CFDP1: variants seen among roughly 807,000 people sequenced by gnomAD.
CFDP1 encodes the protein heterochromatin-stabilizing protein CFDP1.
CFDP1 carries 31 observed loss-of-function variants against 40.1 expected under a neutral mutation model. That is an observed-to-expected ratio of 0.77 (90% CI 0.58 to 1.04). CFDP1 has a LOEUF of 1.04. CFDP1 is among the 50% of genes least tolerant of loss of function. The pLI, the probability that CFDP1 is intolerant of heterozygous loss-of-function variation, is 0.00. For missense variants in CFDP1, 423 were observed against 343.4 expected (o/e 1.23, Z -1.83); for synonymous variants, 167 against 120.0 (o/e 1.39, Z -2.56).
intron 5 of CFDP1, chr16:75,321,772 T>C (rs1385846353): frequency 1.3e-5 from 2 of 152,212 alleles, no homozygotes; most frequent in Admixed American, 1.3e-4. Flanking sequence ...CATCTCTCAG[T>C]TGGTATCTAT....
chr16:75,415,064 T>A (rs2079192462), intron 1 of CFDP1, among the ~76,000 whole-genome samples: 1 of 152,252 alleles, frequency 6.6e-6, no homozygotes, highest in Non-Finnish European at 1.5e-5. Context: ...TCAATTCTAC[T>A]AATGTGTTTC....
At chr16:75,408,639 G>A (rs986090729) in intron 4 of CFDP1, among the ~76,000 whole-genome samples, 6 of 151,704 alleles carry the variant, frequency 4.0e-5, no homozygotes, top group Non-Finnish European at 7.4e-5. Flanking sequence ...TAGCTGGCAC[G>A]CTGGCAGGCA....
intron 5 of CFDP1, among the ~76,000 whole-genome samples, chr16:75,389,835 A>G (rs1266466259): frequency 6.6e-6 from 1 of 152,214 alleles, no homozygotes; most frequent in East Asian, 1.9e-4. Context: ...CAGATACCCC[A>G]GATCAGCTGA....
At chr16:75,431,975 G>C (rs542064139) in intron 1 of CFDP1, among the ~76,000 whole-genome samples, 143 of 145,398 alleles carry the variant, frequency 9.8e-4, no homozygotes, top group Non-Finnish European at 1.7e-3. Context: ...GCAGTGGTGT[G>C]ATCTCGGCTC....
At chr16:75,338,389 C>T (rs1396003268) in intron 5 of CFDP1, among the ~76,000 whole-genome samples, 1 of 152,096 alleles carries the variant, frequency 6.6e-6, no homozygotes, top group Non-Finnish European at 1.5e-5. Flanking sequence ...AGTGTGTACA[C>T]AGAAGCAGAG....
At chr16:75,331,604 T>G (rs1459708827) in intron 5 of CFDP1, among the ~76,000 whole-genome samples, 1 of 152,246 alleles carries the variant, frequency 6.6e-6, no homozygotes, top group Non-Finnish European at 1.5e-5. Context: ...AGTTCTACCT[T>G]GTTTTGAACT....
chr16:75,387,140 CTT>C (rs11303354), intron 5 of CFDP1, among the ~76,000 whole-genome samples: 83,760 of 128,528 alleles, frequency 0.65, 27,889 homozygotes, highest in Non-Finnish European at 0.76. Flanking sequence ...TCTTTTCTTT[CTT>C]TTTTTTTTTT....
chr16:75,393,587 C>T (rs987701403), intron 5 of CFDP1, among the ~76,000 whole-genome samples: 8 of 150,666 alleles, frequency 5.3e-5, no homozygotes, highest in Non-Finnish European at 7.4e-5. Flanking sequence ...AAAAATTAGC[C>T]GGGCGCGGTG....
chr16:75,297,145 C>CTT (rs34861034), intron 6 of CFDP1, among the ~76,000 whole-genome samples: 11 of 139,142 alleles, frequency 7.9e-5, no homozygotes, highest in African/African-American at 3.0e-4. Flanking sequence ...CTTCCCATTT[C>CTT]TTGTGTGTGT....
chr16:75,350,230 A>G (rs2078601255), intron 5 of CFDP1, among the ~76,000 whole-genome samples: 1 of 152,146 alleles, frequency 6.6e-6, no homozygotes, highest in Non-Finnish European at 1.5e-5. Flanking sequence ...GTGTGGATAT[A>G]TGTTTTCATT....
chr16:75,294,112 C>A (rs1489597317), intron 6 of CFDP1, 70 bp from the exon 7 acceptor site: 2 of 1,168,194 alleles, frequency 1.7e-6, no homozygotes, highest in Middle Eastern at 1.9e-4. Context: ...CAGTCCCATC[C>A]CCCAGGGATA....
chr16:75,324,244 G>A (rs923879544), intron 5 of CFDP1, among the ~76,000 whole-genome samples: 11 of 152,122 alleles, frequency 7.2e-5, no homozygotes, highest in African/African-American at 2.2e-4. Context: ...GTGTCTGAGA[G>A]TTGAAGGATG....
At chr16:75,377,325 T>C (rs1365673167) in intron 5 of CFDP1, among the ~76,000 whole-genome samples, 2 of 152,232 alleles carry the variant, frequency 1.3e-5, no homozygotes, top group Admixed American at 6.5e-5. Context: ...TGAGAAAATA[T>C]TGAAGTGTGG....
intron 5 of CFDP1, among the ~76,000 whole-genome samples, chr16:75,357,235 TA>T (rs1421710031): frequency 6.6e-6 from 1 of 151,922 alleles, no homozygotes; most frequent in Non-Finnish European, 1.5e-5. Context: ...CTTTCTTTTT[TA>T]AAATTATTTT....
At chr16:75,380,804 TC>T (rs1413181557) in intron 5 of CFDP1, among the ~76,000 whole-genome samples, 5 of 152,008 alleles carry the variant, frequency 3.3e-5, no homozygotes, top group Non-Finnish European at 5.9e-5. Context: ...AGCAAATTCA[TC>T]CCCACTTTTT....
At chr16:75,421,930 T>C (rs2079285096) in intron 1 of CFDP1, among the ~76,000 whole-genome samples, 1 of 152,300 alleles carries the variant, frequency 6.6e-6, no homozygotes, top group South Asian at 2.1e-4. Flanking sequence ...ACTATGTACA[T>C]CCTCTTGCAT....
chr16:75,305,565 G>A (rs570284254), intron 5 of CFDP1: 5 of 182,622 alleles, frequency 2.7e-5, no homozygotes, highest in South Asian at 1.4e-4. Context: ...GTTATTTACT[G>A]CATGTTCCTT....
chr16:75,417,935 A>G (rs934500872), intron 1 of CFDP1, among the ~76,000 whole-genome samples: 1 of 152,118 alleles, frequency 6.6e-6, no homozygotes, highest in African/African-American at 2.4e-5. Context: ...GATCTTCAGA[A>G]TAAGAGAAAT....
intron 5 of CFDP1, among the ~76,000 whole-genome samples, chr16:75,356,076 C>T (rs1338208160): frequency 6.6e-6 from 1 of 152,196 alleles, no homozygotes; most frequent in Non-Finnish European, 1.5e-5. Flanking sequence ...GATATTTTGG[C>T]CTCCTCCCAT....
Sources: allele counts gnomAD v4.1 joint callset (sites outside exome capture counted in the v4.1 genomes callset), GRCh38; gene constraint gnomAD v4.1.1; transcripts MANE v1.5; gene names NCBI Gene and HGNC (gene_info 2026-07-23, HGNC 2026-07-21).